KPNA4: variants seen among roughly 807,000 people sequenced by gnomAD.
KPNA4 encodes importin subunit alpha-3.
In KPNA4, 13 loss-of-function variants were observed where a neutral mutation model predicts 71.3. The ratio of observed to expected loss-of-function variants is 0.18; its 90% CI spans 0.12 to 0.29. The LOEUF is 0.29. Among genes scored for constraint, KPNA4 ranks in the 10% least tolerant of loss-of-function variants. KPNA4 has a pLI of 1.00. For synonymous variants in KPNA4, 189 were observed against 195.2 expected (o/e 0.97, Z 0.26); for missense variants, 334 against 603.2 (o/e 0.55, Z 4.67).
At chr3:160,548,223 T>TTGG (rs1320397697) in intron 1 of KPNA4, among the ~76,000 whole-genome samples, 2 of 152,100 alleles carry the variant, frequency 1.3e-5, no homozygotes, top group Admixed American at 6.6e-5. Flanking sequence ...TTTGTTGTTG[T>TTGG]TGGTGGTGGT....
intron 5 of KPNA4, among the ~76,000 whole-genome samples, chr3:160,535,023 T>TAATCTTAATCTA (rs1721659256): frequency 6.6e-6 from 1 of 151,986 alleles, no homozygotes; most frequent in African/African-American, 2.4e-5. Context: ...CGCCCGGCCG[T>TAATCTTAATCTA]CATTAATCTT....
intron 12 of KPNA4, among the ~76,000 whole-genome samples, chr3:160,514,605 G>A (rs1480104271): frequency 6.6e-6 from 1 of 152,150 alleles, no homozygotes; most frequent in African/African-American, 2.4e-5. Flanking sequence ...TTCTGATGAA[G>A]AATCTTAGCC....
rs1338302000 is a variant in KPNA4, at chr3:160,500,379, A to G, written c.*1725T>C. 1 of 152,644 alleles carries G rather than the reference A, an allele frequency of 6.6e-6. No individual in the cohort carries two copies. Among genetic ancestry groups the G allele is most frequent in the Non-Finnish European group, 1.5e-5 (1 of 68,016 alleles). The allele number at this position is 152,644 out of a possible 1,614,324, so 9.5% of individuals were successfully genotyped here. On this transcript the variant is annotated 3_prime_UTR_variant, in exon 17 of 17. Coordinates refer to ENST00000334256, the MANE Select transcript of KPNA4 (RefSeq NM_002268.5). ...ATCCATTCTACAGTGTTTCAGAATT[A>G]CCAGTTGATTTTTAAACACAAAGTA...
chr3:160,504,808 T>C, intron 16 of KPNA4, 150 bp downstream of exon 16: 1 of 351,102 alleles, frequency 2.8e-6, no homozygotes, highest in Non-Finnish European at 5.0e-6. Context: ...AAATATTTGT[T>C]TTCAAAGCAG....
intron 5 of KPNA4, among the ~76,000 whole-genome samples, chr3:160,534,127 G>T (rs1176150363): frequency 6.6e-6 from 1 of 152,104 alleles, no homozygotes; most frequent in African/African-American, 2.4e-5. Flanking sequence ...AACAAATACT[G>T]GAAAAGTCTA....
intron 1 of KPNA4, among the ~76,000 whole-genome samples, chr3:160,561,582 T>C (rs764018893): frequency 2.0e-5 from 3 of 152,058 alleles, no homozygotes; most frequent in South Asian, 2.1e-4. Context: ...GGAGTCAGAA[T>C]GGTAGAGAGA....
At chr3:160,553,717 TTA>T (rs1328370277) in intron 1 of KPNA4, among the ~76,000 whole-genome samples, 1 of 152,208 alleles carries the variant, frequency 6.6e-6, no homozygotes, top group Admixed American at 6.5e-5. Context: ...ATTATTAAAC[TTA>T]CCTAATGGCA....
chr3:160,528,245 C>T (rs561692967), intron 7 of KPNA4, among the ~76,000 whole-genome samples: 24 of 151,840 alleles, frequency 1.6e-4, no homozygotes, highest in Non-Finnish European at 3.2e-4. Context: ...ATGAGTTATC[C>T]AGACAAGTGT....
chr3:160,526,113 G>GA lies in KPNA4; in HGVS notation c.557-7dup, dbSNP rs777281859. 21 of 1,499,676 alleles carry GA rather than the reference G, an allele frequency of 1.4e-5. No individual in the cohort carries two copies. The highest frequency in any genetic ancestry group is 2.9e-5 in the African/African-American group (2 of 69,856). The allele number at this position is 1,499,676 out of a possible 1,614,324, so 92.9% of individuals were successfully genotyped here. A position where few individuals can be genotyped will look rare whatever the true frequency, so the allele number is the denominator to read the frequency against. Reference sequence around the variant, plus strand: ...TCTACACTGGGGCCCATCACCTGTAGAAAAAAAGGATTAATTTACTCAATA... The same window carrying GA: ...TCTACACTGGGGCCCATCACCTGTAGAAAAAAAAGGATTAATTTACTCAATA... On this transcript the variant is annotated splice_polypyrimidine_tract_variant and splice_region_variant and intron_variant, in intron 8 of 16. Coordinates refer to ENST00000334256, the MANE Select transcript of KPNA4 (RefSeq NM_002268.5).
intron 1 of KPNA4, among the ~76,000 whole-genome samples, chr3:160,563,816 G>C (rs1269679932): frequency 2.6e-5 from 4 of 151,738 alleles, no homozygotes; most frequent in Admixed American, 6.6e-5. Context: ...TGACATCTTT[G>C]CATTAAAAAA....
intron 1 of KPNA4, among the ~76,000 whole-genome samples, chr3:160,560,569 A>T (rs2108562842): frequency 6.6e-6 from 1 of 152,206 alleles, no homozygotes; most frequent in East Asian, 1.9e-4. Flanking sequence ...AGGTATTAGA[A>T]ATCAATGTTT....
chr3:160,505,541 G>T (rs1255000961), intron 15 of KPNA4, among the ~76,000 whole-genome samples: 1 of 152,152 alleles, frequency 6.6e-6, no homozygotes, highest in Non-Finnish European at 1.5e-5. Context: ...GGGGAAAAGA[G>T]AATTTTCCCT....
chr3:160,518,356 C>T (rs9758570), intron 11 of KPNA4, among the ~76,000 whole-genome samples: 33 of 149,706 alleles, frequency 2.2e-4, no homozygotes, highest in African/African-American at 8.0e-4. Context: ...AGGATGGTCT[C>T]GATCTCCTGA....
rs936878663 is a variant in KPNA4 at position 160,495,508 on chromosome 3, C to G, written c.*6596G>C. 8.1e-6 allele frequency: 1 copy of G among 123,424 alleles called. No homozygotes were observed. Among genetic ancestry groups the G allele is most frequent in the Non-Finnish European group, 1.7e-5 (1 of 57,710 alleles). The allele number at this position is 123,424 out of a possible 1,614,324, so 7.6% of individuals were successfully genotyped here. A position where few individuals can be genotyped will look rare whatever the true frequency, so the allele number is the denominator to read the frequency against. The stretch of plus-strand genomic sequence containing the variant: ...GGTAACTTAGCTATCCTAGATCATC[C>G]TAAACTGGTTAAAAGGAAGATTTTA... On this transcript the variant is annotated 3_prime_UTR_variant, in exon 17 of 17. Coordinates refer to ENST00000334256, the MANE Select transcript of KPNA4 (RefSeq NM_002268.5).
intron 1 of KPNA4, among the ~76,000 whole-genome samples, chr3:160,539,919 A>G (rs911055252): frequency 2.0e-5 from 3 of 151,910 alleles, no homozygotes; most frequent in African/African-American, 7.3e-5. Context: ...TGTTTTGTTT[A>G]CTCCAAAAAA....
At chr3:160,516,217 C>T (rs1560046276) in intron 11 of KPNA4, among the ~76,000 whole-genome samples, 1 of 152,116 alleles carries the variant, frequency 6.6e-6, no homozygotes, top group Middle Eastern at 3.4e-3. Flanking sequence ...GTCTCGAACC[C>T]CTGACTTTAG....
chr3:160,541,503 T>C (rs909366903), intron 1 of KPNA4, among the ~76,000 whole-genome samples: 1 of 152,160 alleles, frequency 6.6e-6, no homozygotes, highest in African/African-American at 2.4e-5. Context: ...AGAGATCTTC[T>C]GTGTGGTGAC....
chr3:160,549,907 GTTTC>G (rs967000149), intron 1 of KPNA4, among the ~76,000 whole-genome samples: 1 of 152,060 alleles, frequency 6.6e-6, no homozygotes, highest in Non-Finnish European at 1.5e-5. Context: ...TTCCATTTGT[GTTTC>G]TTTCTTTCAG....
intron 12 of KPNA4, among the ~76,000 whole-genome samples, chr3:160,514,720 C>T (rs1477992292): frequency 7.2e-5 from 11 of 152,136 alleles, no homozygotes; most frequent in Non-Finnish European, 1.5e-4. Flanking sequence ...TAATTTCTCT[C>T]AAGGAAAAGT....
Sources: allele counts gnomAD v4.1 joint callset (sites outside exome capture counted in the v4.1 genomes callset), GRCh38; gene constraint gnomAD v4.1.1; transcripts MANE v1.5; gene names NCBI Gene and HGNC (gene_info 2026-07-23, HGNC 2026-07-21).